HACD3: variants seen among roughly 807,000 people sequenced by gnomAD.
HACD3 encodes 3-hydroxyacyl-CoA dehydratase 3.
HACD3 carries 30 observed loss-of-function variants against 55.2 expected under a neutral mutation model. The ratio of observed to expected loss-of-function variants is 0.54; its 90% CI spans 0.41 to 0.74. The LOEUF is 0.74. HACD3 is among the 30% of genes least tolerant of loss of function. The pLI, the probability that HACD3 is intolerant of heterozygous loss-of-function variation, is 0.00. For synonymous variants in HACD3, 141 were observed against 151.7 expected (o/e 0.93, Z 0.52); for missense variants, 363 against 440.1 (o/e 0.82, Z 1.57).
At chr15:65,571,761 G>T in intron 9 of HACD3, 107 bp downstream of exon 9, 1 of 841,538 alleles carries the variant, frequency 1.2e-6, no homozygotes, top group Non-Finnish European at 1.8e-6. Context: ...TGGAAATGTT[G>T]GATTTTTCAG....
At chr15:65,538,828 C>T (rs1207523529) in intron 1 of HACD3, among the ~76,000 whole-genome samples, 6 of 152,120 alleles carry the variant, frequency 3.9e-5, no homozygotes, top group African/African-American at 1.4e-4. Context: ...TGGATCAGTC[C>T]ACAGCCATCA....
intron 1 of HACD3, among the ~76,000 whole-genome samples, chr15:65,536,891 T>TGTCTTGCACCA (rs2071960429): frequency 1.3e-5 from 2 of 152,230 alleles, no homozygotes; most frequent in Admixed American, 1.3e-4. Context: ...GGCTGAAAGC[T>TGTCTTGCACCA]AGGCCTCTTG....
intron 1 of HACD3, among the ~76,000 whole-genome samples, chr15:65,546,276 CAATT>C (rs1185647895): frequency 6.6e-6 from 1 of 152,104 alleles, no homozygotes; most frequent in African/African-American, 2.4e-5. Context: ...ATAACAAAAA[CAATT>C]GAACATCTTT....
intron 5 of HACD3, among the ~76,000 whole-genome samples, chr15:65,561,255 T>C (rs2072241692): frequency 6.6e-6 from 1 of 151,970 alleles, no homozygotes; most frequent in Non-Finnish European, 1.5e-5. Context: ...TCACCTGAGG[T>C]TAGGAGTTTA....
chr15:65,575,250 C>T (rs1029351610), intron 10 of HACD3, among the ~76,000 whole-genome samples: 4 of 150,482 alleles, frequency 2.7e-5, no homozygotes, highest in East Asian at 2.0e-4. Context: ...TGCAGTGGCA[C>T]GATCTTGGCT....
chr15:65,539,413 GTTTC>G (rs2071997141), intron 1 of HACD3, among the ~76,000 whole-genome samples: 2 of 151,942 alleles, frequency 1.3e-5, no homozygotes, highest in Admixed American at 1.3e-4. Flanking sequence ...TAGAGATGGG[GTTTC>G]ACCATGTTGG....
At chr15:65,553,827 A>G (rs573453893) in intron 2 of HACD3, among the ~76,000 whole-genome samples, 3 of 152,304 alleles carry the variant, frequency 2.0e-5, no homozygotes, top group African/African-American at 7.2e-5. Flanking sequence ...ACCAAATGGT[A>G]AATGAATCAG....
chr15:65,548,141 G>C (rs141241314), intron 1 of HACD3, among the ~76,000 whole-genome samples: 1 of 152,206 alleles, frequency 6.6e-6, no homozygotes, highest in Non-Finnish European at 1.5e-5. Context: ...ATTCTTACTA[G>C]TTGCCAGGGT....
intron 10 of HACD3, 48 bp downstream of exon 10, chr15:65,572,414 C>G: frequency 6.9e-7 from 1 of 1,457,438 alleles, no homozygotes; most frequent in East Asian, 2.5e-5. Context: ...ACTTCTTAGA[C>G]AGTAGAATTA....
chr15:65,538,096 A>C (rs1446837002), intron 1 of HACD3, among the ~76,000 whole-genome samples: 4 of 151,248 alleles, frequency 2.6e-5, no homozygotes, highest in South Asian at 4.2e-4. Context: ...TGTTGTTTTC[A>C]TGCCCGCTAA....
intron 2 of HACD3, 114 bp downstream of exon 2, chr15:65,551,832 C>T: frequency 8.7e-7 from 1 of 1,152,134 alleles, no homozygotes; most frequent in Admixed American, 1.9e-5. Context: ...GATGTTCACG[C>T]CTCTGATCCT....
chr15:65,538,155 C>T (rs921708867), intron 1 of HACD3, among the ~76,000 whole-genome samples: 4 of 151,714 alleles, frequency 2.6e-5, no homozygotes, highest in Non-Finnish European at 4.4e-5. Context: ...TTTTGACTTT[C>T]AGGTCTTATT....
chr15:65,540,525 TG>T (rs2072010084), intron 1 of HACD3, among the ~76,000 whole-genome samples: 1 of 152,140 alleles, frequency 6.6e-6, no homozygotes, highest in African/African-American at 2.4e-5. Context: ...TGCAGAAAGC[TG>T]GGGCAAGAAC....
At chr15:65,567,661 TGAATG>T (rs2072305474) in intron 7 of HACD3, among the ~76,000 whole-genome samples, 1 of 152,174 alleles carries the variant, frequency 6.6e-6, no homozygotes, top group Non-Finnish European at 1.5e-5. Flanking sequence ...CATCTACAGA[TGAATG>T]GATAAGAATG....
In HACD3 at chr15:65,530,710, G is replaced by A; in HGVS notation, c.79G>A (p.Asp27Asn). 16 of 1,564,992 alleles carry A rather than the reference G, an allele frequency of 1.0e-5. No individual in the cohort carries two copies. Among genetic ancestry groups the A allele is most frequent in the Non-Finnish European group, 1.4e-5 (16 of 1,156,440 alleles). The change falls in exon 1 of 11, where the codon GAC (aspartate) becomes AAC (asparagine). Residue 27 changes from aspartate (D) to asparagine (N), a missense_variant. Physicochemically the swap from Asp to Asn is conservative, Grantham distance 23. Coordinates refer to ENST00000261875, the MANE Select transcript of HACD3 (RefSeq NM_016395.4). ...GCTATATCTGCGCGTGGAGCTGAGT[G>A]ACGTACAGGTAAAGGCCGGGTCGGG... ...RELYLRVELS[D>N]VQNPAISITE...
At chr15:65,552,137 G>A (rs533093115) in intron 2 of HACD3, among the ~76,000 whole-genome samples, 10 of 152,168 alleles carry the variant, frequency 6.6e-5, no homozygotes, top group Admixed American at 5.9e-4. Context: ...AAGGGCTCAT[G>A]GACCCGAGAT....
intron 1 of HACD3, among the ~76,000 whole-genome samples, chr15:65,541,718 A>G (rs2072020664): frequency 6.6e-6 from 1 of 152,234 alleles, no homozygotes; most frequent in African/African-American, 2.4e-5. Flanking sequence ...AGTAACCTCA[A>G]GTTGGTTGGT....
intron 1 of HACD3, among the ~76,000 whole-genome samples, chr15:65,537,228 C>G (rs1161291466): frequency 1.3e-5 from 2 of 152,172 alleles, no homozygotes; most frequent in African/African-American, 4.8e-5. Context: ...GCTACAAGTG[C>G]TGATTGTAGA....
intron 10 of HACD3, among the ~76,000 whole-genome samples, chr15:65,575,341 CCAT>C (rs959427685): frequency 6.6e-6 from 1 of 152,084 alleles, no homozygotes; most frequent in African/African-American, 2.4e-5. Flanking sequence ...GCACCTGCCA[CCAT>C]GCCTGGCTGA....
Sources: allele counts gnomAD v4.1 joint callset (sites outside exome capture counted in the v4.1 genomes callset), GRCh38; gene constraint gnomAD v4.1.1; transcripts MANE v1.5; gene names NCBI Gene and HGNC (gene_info 2026-07-23, HGNC 2026-07-21).